CAPN8: variants seen among roughly 807,000 people sequenced by gnomAD.
The protein encoded by CAPN8 is calpain-8.
Under a neutral mutation model 80.9 loss-of-function variants are expected in CAPN8, and 87 were observed. The ratio of observed to expected loss-of-function variants is 1.07; its 90% CI spans 0.90 to 1.28. The LOEUF is 1.28. CAPN8 is among the 50% of genes most tolerant of loss of function. CAPN8 has a pLI of 0.00. For synonymous variants in CAPN8, 299 were observed against 273.8 expected, an observed-to-expected ratio of 1.09 and a Z score of -0.91; for missense variants, 757 against 702.0, an observed-to-expected ratio of 1.08 and a Z score of -0.89.
chr1:223,641,609 G>T (rs1331992307), intron 2 of CAPN8, among the ~76,000 whole-genome samples: 2 of 152,138 alleles, frequency 1.3e-5, no homozygotes, highest in Non-Finnish European at 2.9e-5. Context: ...CCAGAGCCCT[G>T]CGTGATCTGG....
chr1:223,650,519 A>G (rs1448617390), intron 2 of CAPN8, among the ~76,000 whole-genome samples: 1 of 152,176 alleles, frequency 6.6e-6, no homozygotes, highest in Non-Finnish European at 1.5e-5. Context: ...AATTATACTG[A>G]GGGAAAGTCT....
chr1:223,627,939 C>A (rs914413563), intron 4 of CAPN8, 70 bp downstream of exon 4: 9 of 1,448,298 alleles, frequency 6.2e-6, no homozygotes, highest in Admixed American at 2.6e-5. Flanking sequence ...GGGAGGCAGA[C>A]GTGGGAGGGA....
At chr1:223,664,438 C>G (rs959511364) in intron 1 of CAPN8, among the ~76,000 whole-genome samples, 1 of 152,230 alleles carries the variant, frequency 6.6e-6, no homozygotes, top group Admixed American at 6.5e-5. Flanking sequence ...CTATTATGTT[C>G]TGGGCACTAT....
chr1:223,629,829 C>T (rs1288954633), intron 2 of CAPN8, among the ~76,000 whole-genome samples: 1 of 152,178 alleles, frequency 6.6e-6, no homozygotes, highest in Non-Finnish European at 1.5e-5. Flanking sequence ...ATTTGGTGAA[C>T]AAGTCCCTGT....
rs568045879 is a variant in CAPN8, at chr1:223,632,014, C to T, written c.308-3234G>A. 6.5e-3 allele frequency among the ~76,000 whole-genome samples: 443 copies of T among 68,626 alleles called. 2 individuals are homozygous for T. The highest frequency in any genetic ancestry group is 0.034 in the African/African-American group (426 of 12,626). 45.0% of individuals were successfully genotyped at this position (68,626 alleles called of 152,430 possible). A position where few individuals can be genotyped will look rare whatever the true frequency, so the allele number is the denominator to read the frequency against. On this transcript the variant is annotated intron_variant, in intron 2 of 20. Coordinates refer to ENST00000366872, the MANE Select transcript of CAPN8 (RefSeq NM_001143962.2). ...TCCCTAGATATTACAATTCAAGTCACGGCAACAAAATGTCCCTCCGTTGCT... is the reference window on the plus strand; with the variant it reads ...TCCCTAGATATTACAATTCAAGTCATGGCAACAAAATGTCCCTCCGTTGCT...
At chr1:223,665,380 T>C in intron 1 of CAPN8, 30 bp downstream of exon 1, 2 of 1,530,956 alleles carry the variant, frequency 1.3e-6, no homozygotes, top group Non-Finnish European at 1.8e-6. Flanking sequence ...CCACCTTGTA[T>C]GTCACTCAAC....
At chr1:223,550,025 AAC>A (rs569943116) in intron 15 of CAPN8, among the ~76,000 whole-genome samples, 314 of 152,300 alleles carry the variant, frequency 2.1e-3, no homozygotes, top group African/African-American at 7.1e-3. Context: ...TTGTAATCAC[AAC>A]ACACAGCCAC....
chr1:223,553,691 G>A, intron 14 of CAPN8, 141 bp downstream of exon 14: 1 of 397,216 alleles, frequency 2.5e-6, no homozygotes, highest in Non-Finnish European at 4.4e-6. Flanking sequence ...GATGGTGATG[G>A]GCACAGAAGC....
At chr1:223,626,862 C>T in intron 5 of CAPN8, 127 bp downstream of exon 5, 1 of 965,050 alleles carries the variant, frequency 1.0e-6, no homozygotes, top group South Asian at 1.8e-5. Flanking sequence ...GACTTGCCCA[C>T]TAAGCTCCAG....
At chr1:223,634,281 T>C (rs1657854450) in intron 2 of CAPN8, among the ~76,000 whole-genome samples, 1 of 152,004 alleles carries the variant, frequency 6.6e-6, no homozygotes, top group Non-Finnish European at 1.5e-5. Context: ...TAAGGAGCAC[T>C]CAGGTGGGGC....
intron 19 of CAPN8, among the ~76,000 whole-genome samples, chr1:223,543,862 G>A (rs1334914721): frequency 6.6e-6 from 1 of 152,258 alleles, no homozygotes; most frequent in Non-Finnish European, 1.5e-5. Context: ...CTCCGTCCTG[G>A]ATCTGGCCAG....
In CAPN8 at chr1:223,622,570, C is replaced by A. The variant is rs1039318414; in HGVS notation, c.899+245G>T. 1.5e-5 allele frequency: 8 copies of A among 542,414 alleles called. No homozygotes were observed. In the African/African-American group the frequency reaches 1.5e-4, roughly 10 times the overall value. The allele number at this position is 542,414 out of a possible 1,614,324, so 33.6% of individuals were successfully genotyped here. A position where few individuals can be genotyped will look rare whatever the true frequency, so the allele number is the denominator to read the frequency against. Reference sequence around the variant, plus strand: ...AACCTTTCAGCGCAAAGCAAAATTCCACAGAGCCGCCAAACTTTCAAATGC... The same window carrying A: ...AACCTTTCAGCGCAAAGCAAAATTCAACAGAGCCGCCAAACTTTCAAATGC... On this transcript the variant is annotated intron_variant, in intron 7 of 20. Coordinates refer to ENST00000366872, the MANE Select transcript of CAPN8 (RefSeq NM_001143962.2).
At position 223,628,980 on chromosome 1, in the gene CAPN8, T is replaced by C. The variant is rs114005391; in HGVS notation, c.308-200A>G. 3,957 of 565,716 alleles carry C rather than the reference T, an allele frequency of 7.0e-3. 18 individuals carry two copies. Among genetic ancestry groups the C allele is most frequent in the Non-Finnish European group, 9.8e-3 (3,118 of 317,454 alleles). 35.0% of individuals were successfully genotyped at this position (565,716 alleles called of 1,614,324 possible). A position where few individuals can be genotyped will look rare whatever the true frequency, so the allele number is the denominator to read the frequency against. ...TCCTTGGGATTTGTTTACTCGGGAGTGGATCCTCTGCTCCTCCCTGTGGCT... is the reference window on the plus strand; with the variant it reads ...TCCTTGGGATTTGTTTACTCGGGAGCGGATCCTCTGCTCCTCCCTGTGGCT... On this transcript the variant is annotated intron_variant, in intron 2 of 20. Coordinates refer to ENST00000366872, the MANE Select transcript of CAPN8 (RefSeq NM_001143962.2).
At chr1:223,619,149 G>A (rs747919175) in intron 9 of CAPN8, 144 bp downstream of exon 9, 139 of 931,108 alleles carry the variant, frequency 1.5e-4, no homozygotes, top group Non-Finnish European at 2.1e-4. Context: ...AGCAGAGATC[G>A]TGCCACTACA....
intron 2 of CAPN8, chr1:223,644,227 T>C: frequency 2.7e-6 from 1 of 370,594 alleles, no homozygotes; most frequent in Non-Finnish European, 5.2e-6. Context: ...AAGGTTCATA[T>C]ACTCATCAAA....
chr1:223,545,310 T>C lies in CAPN8; in HGVS notation c.1765-11A>G. ...GCCCGTTCCATTGCTCTAGGCACATTAAAGACCAACATGATTGAGTCCAAA... is the reference window on the plus strand; with the variant it reads ...GCCCGTTCCATTGCTCTAGGCACATCAAAGACCAACATGATTGAGTCCAAA... On this transcript the variant is annotated splice_polypyrimidine_tract_variant and intron_variant, in intron 16 of 20. Transcript: ENST00000366872. 1.3e-6 allele frequency: 2 copies of C among 1,551,546 alleles called. No individual in the cohort carries two copies. Among genetic ancestry groups the C allele is most frequent in the Non-Finnish European group, 1.7e-6 (2 of 1,146,898 alleles).
At chr1:223,543,807 C>G (rs1656538512) in intron 19 of CAPN8, among the ~76,000 whole-genome samples, 1 of 152,214 alleles carries the variant, frequency 6.6e-6, no homozygotes, top group African/African-American at 2.4e-5. Context: ...TGTAGATGCG[C>G]AATAGTCTGG....
chr1:223,627,927 T>A, intron 4 of CAPN8, 82 bp downstream of exon 4: 3 of 1,421,992 alleles, frequency 2.1e-6, no homozygotes, highest in Non-Finnish European at 2.8e-6. Flanking sequence ...GAGTTTGGGG[T>A]GGGGAGGCAG....
intron 18 of CAPN8, 102 bp from the exon 19 acceptor site, chr1:223,544,285 C>A: frequency 1.5e-6 from 1 of 652,444 alleles, no homozygotes; most frequent in Non-Finnish European, 2.8e-6. Context: ...CTCTGTGGTT[C>A]TGTATCAATC....
Sources: gnomAD v4.1 joint callset for allele counts (sites outside exome capture counted in the v4.1 genomes callset) on GRCh38, gnomAD v4.1.1 for gene constraint, MANE v1.5 for transcripts, NCBI Gene and HGNC (gene_info 2026-07-23, HGNC 2026-07-21) for gene names.